GABBR2: variants seen among roughly 807,000 people sequenced by gnomAD.
The protein encoded by GABBR2 is gamma-aminobutyric acid type B receptor subunit 2.
In GABBR2, 23 loss-of-function variants were observed where a neutral mutation model predicts 105.6. The observed-to-expected ratio is 0.22, with a 90% CI of 0.16 to 0.31. GABBR2 has a LOEUF of 0.31. Ranked by LOEUF, GABBR2 falls within the 10% of genes least tolerant of loss-of-function variation. The pLI is 1.00. For missense variants in GABBR2, 734 were observed against 1,245.5 expected, an observed-to-expected ratio of 0.59 and a Z score of 6.18; for synonymous variants, 478 against 499.7, an observed-to-expected ratio of 0.96 and a Z score of 0.58.
At chr9:98,499,425 G>A (rs34809026) in intron 3 of GABBR2, among the ~76,000 whole-genome samples, 87 of 152,176 alleles carry the variant, frequency 5.7e-4, no homozygotes, top group Non-Finnish European at 1.1e-3. Context: ...TCGGAGGCCC[G>A]ATGAACCAGA....
chr9:98,634,178 T>G (rs1328857488), intron 1 of GABBR2, among the ~76,000 whole-genome samples: 1 of 152,172 alleles, frequency 6.6e-6, no homozygotes, highest in Non-Finnish European at 1.5e-5. Context: ...ACCTCCCAAC[T>G]GCCTCCCCAC....
chr9:98,485,807 C>T (rs936863615), intron 4 of GABBR2, among the ~76,000 whole-genome samples: 6 of 152,180 alleles, frequency 3.9e-5, no homozygotes, highest in African/African-American at 1.4e-4. Flanking sequence ...CGCCCGGCTG[C>T]AGTGAGGGTG....
intron 5 of GABBR2, 127 bp from the exon 6 acceptor site, chr9:98,473,473 T>C (rs548497098): frequency 1.6e-6 from 1 of 632,906 alleles, no homozygotes; most frequent in African/African-American, 1.8e-5. Context: ...AATTACTTGT[T>C]TGGTTTCTTC....
At chr9:98,360,562 G>A (rs1466679676) in intron 13 of GABBR2, among the ~76,000 whole-genome samples, 1 of 152,268 alleles carries the variant, frequency 6.6e-6, no homozygotes, top group Middle Eastern at 3.4e-3. Flanking sequence ...TACACAGAAA[G>A]GCACTTCTGC....
chr9:98,599,163 G>C (rs1829282929), intron 1 of GABBR2, among the ~76,000 whole-genome samples: 1 of 152,058 alleles, frequency 6.6e-6, no homozygotes, highest in Non-Finnish European at 1.5e-5. Context: ...CCAACCTAGG[G>C]GCTTCAAACT....
intron 7 of GABBR2, among the ~76,000 whole-genome samples, chr9:98,432,756 C>T (rs973398207): frequency 2.0e-5 from 3 of 152,150 alleles, no homozygotes; most frequent in Non-Finnish European, 4.4e-5. Context: ...TTTGACCATG[C>T]CAGGCACCAT....
At chr9:98,700,682 T>C (rs1830818622) in intron 1 of GABBR2, among the ~76,000 whole-genome samples, 1 of 152,194 alleles carries the variant, frequency 6.6e-6, no homozygotes, top group African/African-American at 2.4e-5. Context: ...ATGGCATCCA[T>C]ATGCTCCTTA....
At chr9:98,491,667 G>C (rs900174784) in intron 4 of GABBR2, among the ~76,000 whole-genome samples, 2 of 152,100 alleles carry the variant, frequency 1.3e-5, no homozygotes, top group African/African-American at 4.8e-5. Flanking sequence ...CCCTCTCCTA[G>C]TTAACACCAG....
chr9:98,348,006 C>T (rs1486583029), intron 13 of GABBR2, among the ~76,000 whole-genome samples: 1 of 152,208 alleles, frequency 6.6e-6, no homozygotes, highest in Non-Finnish European at 1.5e-5. Context: ...CCTTTTCCTT[C>T]CACCATGATT....
At chr9:98,415,057 A>C (rs575101122) in intron 7 of GABBR2, among the ~76,000 whole-genome samples, 1 of 152,296 alleles carries the variant, frequency 6.6e-6, no homozygotes, top group African/African-American at 2.4e-5. Flanking sequence ...TATTTCTCCT[A>C]ATACTATAAT....
chr9:98,525,882 C>T (rs1827946398), intron 3 of GABBR2, among the ~76,000 whole-genome samples: 1 of 152,138 alleles, frequency 6.6e-6, no homozygotes, highest in Non-Finnish European at 1.5e-5. Flanking sequence ...ACCTTGAAAA[C>T]ATTATGCTAA....
intron 13 of GABBR2, among the ~76,000 whole-genome samples, chr9:98,350,256 G>C (rs1334583592): frequency 6.8e-6 from 1 of 148,130 alleles, no homozygotes; most frequent in Non-Finnish European, 1.5e-5. Flanking sequence ...ATCCTGCTCT[G>C]ATATTTATTT....
chr9:98,684,007 CAAAAAAAAAAAAAAA>C (rs367642589), intron 1 of GABBR2, among the ~76,000 whole-genome samples: 1 of 105,932 alleles, frequency 9.4e-6, no homozygotes, highest in Non-Finnish European at 1.9e-5. Flanking sequence ...GACTCCATCT[CAAAAAAAAAAAAAAA>C]AAAAAAAAAA....
At chr9:98,633,110 A>G (rs1224891928) in intron 1 of GABBR2, among the ~76,000 whole-genome samples, 2 of 152,210 alleles carry the variant, frequency 1.3e-5, no homozygotes, top group Non-Finnish European at 2.9e-5. Context: ...ACAAAAGTGA[A>G]GTCACCCAGC....
Position 98,492,349 on chromosome 9 carries a change from T to TAAAAAAAAAAAAAAAAAAAAAAAAA in GABBR2, c.732+4039_732+4063dup, listed in dbSNP as rs574771107. Among the ~76,000 whole-genome samples, 84 of 29,208 alleles carry TAAAAAAAAAAAAAAAAAAAAAAAAA rather than the reference T, an allele frequency of 2.9e-3. 16 individuals are homozygous for TAAAAAAAAAAAAAAAAAAAAAAAAA. Among genetic ancestry groups the TAAAAAAAAAAAAAAAAAAAAAAAAA allele is most frequent in the Non-Finnish European group, 4.5e-3 (52 of 11,644 alleles). The allele number at this position is 29,208 out of a possible 152,430, so 19.2% of individuals were successfully genotyped here. A position where few individuals can be genotyped will look rare whatever the true frequency, so the allele number is the denominator to read the frequency against. On this transcript the variant is annotated intron_variant, in intron 4 of 18. Coordinates refer to ENST00000259455, the MANE Select transcript of GABBR2 (RefSeq NM_005458.8). ...GAGCCCGCTTAAGTTTGTTTCCTAGTAAAAAAAAAAAAAAAAAAAAAAAAA... is the reference window on the plus strand; with the variant it reads ...GAGCCCGCTTAAGTTTGTTTCCTAGTAAAAAAAAAAAAAAAAAAAAAAAAAAAAAAAAAAAAAAAAAAAAAAAAAA...
intron 1 of GABBR2, among the ~76,000 whole-genome samples, chr9:98,627,189 T>A (rs759537611): frequency 2.6e-5 from 4 of 152,118 alleles, no homozygotes; most frequent in Non-Finnish European, 5.9e-5. Flanking sequence ...GTCCACATGA[T>A]ACTCACAGCC....
At chr9:98,680,291 T>C (rs1830526885) in intron 1 of GABBR2, among the ~76,000 whole-genome samples, 1 of 152,100 alleles carries the variant, frequency 6.6e-6, no homozygotes, top group African/African-American at 2.4e-5. Flanking sequence ...ATTCTATTAT[T>C]ATCATTTTAT....
At chr9:98,330,350 C>T (rs1407592113) in intron 13 of GABBR2, among the ~76,000 whole-genome samples, 3 of 152,184 alleles carry the variant, frequency 2.0e-5, no homozygotes, top group Non-Finnish European at 4.4e-5. Flanking sequence ...ATCTCCATGA[C>T]ACCTGAGAAG....
intron 6 of GABBR2, among the ~76,000 whole-genome samples, chr9:98,455,573 G>A (rs531626245): frequency 2.0e-5 from 3 of 152,224 alleles, no homozygotes; most frequent in African/African-American, 2.4e-5. Flanking sequence ...GTGGAGGGAG[G>A]GGGGGCGCGG....
Sources: allele counts gnomAD v4.1 joint callset (sites outside exome capture counted in the v4.1 genomes callset), GRCh38; gene constraint gnomAD v4.1.1; transcripts MANE v1.5; gene names NCBI Gene and HGNC (gene_info 2026-07-23, HGNC 2026-07-21).